Variants in SNAPC1 observed in about 807,000 individuals in gnomAD.
SNAPC1 encodes the protein small nuclear RNA activating complex polypeptide 1, also known as snRNA-activating protein complex subunit 1.
A neutral mutation model predicts 50.1 loss-of-function variants in SNAPC1; 42 were observed. The observed-to-expected ratio is 0.84, with a 90% confidence interval of 0.65 to 1.08. The LOEUF (loss-of-function observed/expected upper bound fraction) is 1.08. Ranked by LOEUF, SNAPC1 falls within the 50% of genes least tolerant of loss-of-function variation. The pLI, the probability that SNAPC1 is intolerant of heterozygous loss-of-function variation, is 0.00. For synonymous variants in SNAPC1, 164 were observed against 144.2 expected, an observed-to-expected ratio of 1.14 and a Z score of -0.98; for missense variants, 477 against 427.3, an observed-to-expected ratio of 1.12 and a Z score of -1.02.
chr14:61,794,954 A>G lies in SNAPC1; in HGVS notation c.1078A>G (p.Thr360Ala), dbSNP rs368193722. 22 of 1,583,004 alleles carry G rather than the reference A, an allele frequency of 1.4e-5. No individual in the cohort carries two copies. Among genetic ancestry groups the G allele is most frequent in the African/African-American group, 6.9e-5 (5 of 72,664 alleles). The change falls in exon 10 of 10, where the codon ACT (threonine) becomes GCT (alanine). Residue 360 changes from threonine to alanine, a missense_variant. By Grantham distance (58) the Thr-to-Ala change is moderately conservative (BLOSUM62 0). Coordinates refer to ENST00000216294, the MANE Select transcript of SNAPC1 (RefSeq NM_003082.4). The stretch of plus-strand genomic sequence containing the variant: ...TTTAAACTTTATGTCTTTAGAGTTC[A>G]CTGCATCCAAGAAGAGGAGAAAACA... ...ENESLSGTEF[T>A]ASKKRRKH
At chr14:61,769,393 G>GTTTTTTTTTTTTTTTTTTTTTTTTT (rs766718835) in intron 4 of SNAPC1, among the ~76,000 whole-genome samples, 1 of 116,376 alleles carries the variant, frequency 8.6e-6, no homozygotes, top group African/African-American at 3.2e-5. Flanking sequence ...ATTTCCTGAG[G>GTTTTTTTTTTTTTTTTTTTTTTTTT]TTTTTTTTTT....
chr14:61,774,834 T>G (rs1311731160), intron 4 of SNAPC1, among the ~76,000 whole-genome samples: 1 of 151,934 alleles, frequency 6.6e-6, no homozygotes, highest in African/African-American at 2.4e-5. Flanking sequence ...CGGCTAACTT[T>G]GTATTTTTAG....
rs766429654 is a variant in SNAPC1 at position 61,768,699 on chromosome 14, A to G, written c.493A>G (p.Ser165Gly). Residue 165 changes from serine to glycine, a missense_variant, in exon 4 of 10, where the codon AGT (serine) becomes GGT (glycine). Physicochemically the swap from Ser to Gly is moderately conservative, Grantham distance 56. Transcript: ENST00000216294. ...AGTTACAGAAGAATTTAAGGACCCA[A>G]GTGATCGTGTGATGAAACTTATCAC... is the stretch of plus-strand genomic sequence containing the variant. ...AEVTEEFKDP[S>G]DRVMKLITSD... 4 of 1,612,208 alleles carry G rather than the reference A, an allele frequency of 2.5e-6. No individual in the cohort carries two copies. The highest frequency in any genetic ancestry group is 3.4e-6 in the Non-Finnish European group (4 of 1,178,710).
intron 1 of SNAPC1, among the ~76,000 whole-genome samples, chr14:61,762,818 C>T (rs955627409): frequency 2.6e-5 from 4 of 151,942 alleles, no homozygotes; most frequent in Non-Finnish European, 4.4e-5. Flanking sequence ...GCGTCTCTGC[C>T]TGGCCTCCCT....
intron 4 of SNAPC1, among the ~76,000 whole-genome samples, chr14:61,769,869 G>A (rs1415845933): frequency 6.6e-6 from 1 of 152,142 alleles, no homozygotes; most frequent in Non-Finnish European, 1.5e-5. Flanking sequence ...TTGCTTTGAG[G>A]TTGAAACAAA....
intron 9 of SNAPC1, 48 bp downstream of exon 9, chr14:61,792,950 C>T (rs1040387928): frequency 5.5e-6 from 5 of 904,510 alleles, no homozygotes; most frequent in East Asian, 5.0e-5. Flanking sequence ...AACTTATACT[C>T]GTAGAGCATC....
intron 4 of SNAPC1, among the ~76,000 whole-genome samples, chr14:61,769,139 C>T (rs529989508): frequency 1.3e-5 from 2 of 152,036 alleles, no homozygotes; most frequent in Non-Finnish European, 2.9e-5. Flanking sequence ...GTGGGTGGAT[C>T]ACGAAGTCAG....
intron 8 of SNAPC1, among the ~76,000 whole-genome samples, chr14:61,785,218 C>A (rs2045106513): frequency 6.6e-6 from 1 of 152,108 alleles, no homozygotes; most frequent in Admixed American, 6.5e-5. Context: ...GCCTGGCCAA[C>A]ATGGAGAAAC....
intron 1 of SNAPC1, among the ~76,000 whole-genome samples, chr14:61,764,797 C>G (rs142216949): frequency 1.5e-4 from 23 of 152,268 alleles, no homozygotes; most frequent in African/African-American, 5.3e-4. Flanking sequence ...TGAGAAATTA[C>G]TTTGGTTACC....
intron 1 of SNAPC1, among the ~76,000 whole-genome samples, chr14:61,766,073 A>G (rs2044946658): frequency 2.0e-5 from 3 of 152,256 alleles, no homozygotes; most frequent in Admixed American, 1.3e-4. Context: ...AACTTATCTT[A>G]GAAGCAAAAT....
Position 61,782,373 on chromosome 14 carries a change from A to G in SNAPC1, c.952A>G (p.Arg318Gly), listed in dbSNP as rs369115956. ...GAAAGAAAGATTGAAACCAGCAGGAAGGAAGATGTCTCTCAGAAACAAAGG... is the reference window on the plus strand; with the variant it reads ...GAAAGAAAGATTGAAACCAGCAGGAGGGAAGATGTCTCTCAGAAACAAAGG... Reference protein sequence around the residue: ...EKKERLKPAGRKMSLRNKGNV... With the variant: ...EKKERLKPAGGKMSLRNKGNV... Residue 318 changes from arginine (R) to glycine (G), a missense_variant, in exon 8 of 10, where the codon AGG becomes GGG. Coordinates refer to ENST00000216294, the MANE Select transcript of SNAPC1 (RefSeq NM_003082.4). 3.1e-6 allele frequency: 5 copies of G among 1,612,434 alleles called. No homozygotes were observed. The African/African-American group carries it at 5.3e-5, about 17-fold the overall frequency.
intron 7 of SNAPC1, 35 bp from the exon 8 acceptor site, chr14:61,782,212 A>T: frequency 6.8e-7 from 1 of 1,463,372 alleles, no homozygotes; most frequent in Non-Finnish European, 9.2e-7. Context: ...GATTCATTTT[A>T]TAATTTATTG....
intron 5 of SNAPC1, among the ~76,000 whole-genome samples, chr14:61,777,501 C>T (rs1401752704): frequency 2.6e-5 from 4 of 152,168 alleles, no homozygotes; most frequent in African/African-American, 9.7e-5. Flanking sequence ...CCTCAGCCTT[C>T]AGTGTAACTG....
chr14:61,771,360 A>T (rs1256221436), intron 4 of SNAPC1, among the ~76,000 whole-genome samples: 1 of 152,222 alleles, frequency 6.6e-6, no homozygotes, highest in Non-Finnish European at 1.5e-5. Context: ...TAAGCTTCAT[A>T]CTCAGTTTTG....
intron 6 of SNAPC1, 24 bp from the exon 7 acceptor site, chr14:61,778,824 T>C: frequency 6.7e-7 from 1 of 1,491,138 alleles, no homozygotes. Flanking sequence ...TTTAACTTTT[T>C]TTTCCTTCTT....
intron 4 of SNAPC1, among the ~76,000 whole-genome samples, chr14:61,770,478 A>G (rs1210853246): frequency 6.6e-6 from 1 of 152,052 alleles, no homozygotes; most frequent in Non-Finnish European, 1.5e-5. Context: ...TCCTGGCCTC[A>G]AGCGATCTGC....
chr14:61,786,079 T>G (rs1337967597), intron 8 of SNAPC1, among the ~76,000 whole-genome samples: 2 of 152,182 alleles, frequency 1.3e-5, no homozygotes, highest in Admixed American at 1.3e-4. Context: ...GGGAACACTT[T>G]GCAGCTTACT....
intron 4 of SNAPC1, among the ~76,000 whole-genome samples, chr14:61,774,648 ATTTTTTTTTTTT>A (rs35300490): frequency 2.1e-4 from 19 of 90,962 alleles, no homozygotes; most frequent in South Asian, 8.7e-4. Flanking sequence ...TCAGTTTCTC[ATTTTTTTTTTTT>A]TTTTTTTTTT....
chr14:61,767,831 G>A (rs1355037433), intron 3 of SNAPC1, among the ~76,000 whole-genome samples: 4 of 152,088 alleles, frequency 2.6e-5, no homozygotes, highest in Non-Finnish European at 5.9e-5. Context: ...CCAGGCTGGA[G>A]TACAGTGGTG....
Sources: allele counts gnomAD v4.1 joint callset (sites outside exome capture counted in the v4.1 genomes callset), GRCh38; gene constraint gnomAD v4.1.1; transcripts MANE v1.5; gene names NCBI Gene and HGNC (gene_info 2026-07-23, HGNC 2026-07-21).